Variants in KIAA1217 observed in about 807,000 individuals in gnomAD.
KIAA1217 encodes the protein sickle tail protein homolog.
Under a neutral mutation model 163.9 loss-of-function variants are expected in KIAA1217, and 88 were observed. The ratio of observed to expected loss-of-function variants is 0.54; its 90% CI spans 0.45 to 0.64. The LOEUF is 0.64. KIAA1217 is among the 30% of genes least tolerant of loss of function. KIAA1217 has a pLI of 0.00. For synonymous variants in KIAA1217, 903 were observed against 923.1 expected (o/e 0.98, Z 0.39); for missense variants, 2,372 against 2,475.0 (o/e 0.96, Z 0.88).
At chr10:24,318,204 TGATAGATAGATGGATA>T (rs895914321) in intron 2 of KIAA1217, among the ~76,000 whole-genome samples, 27 of 152,164 alleles carry the variant, frequency 1.8e-4, no homozygotes, top group African/African-American at 4.1e-4. Flanking sequence ...GGTAGGTAGA[TGATAGATAGATGGATA>T]GATAGATAGA....
chr10:24,350,599 A>G (rs552042712), intron 2 of KIAA1217, among the ~76,000 whole-genome samples: 13 of 152,340 alleles, frequency 8.5e-5, no homozygotes, highest in Non-Finnish European at 1.9e-4. Flanking sequence ...GTGGAGAAGA[A>G]TCAAGAAGAT....
chr10:23,997,824 C>T (rs1846557237), intron 1 of KIAA1217, among the ~76,000 whole-genome samples: 1 of 152,046 alleles, frequency 6.6e-6, no homozygotes, highest in Admixed American at 6.5e-5. Context: ...ACTTGTGTCT[C>T]CCTCTCAGTG....
At chr10:24,447,119 C>T (rs2132185185) in intron 5 of KIAA1217, among the ~76,000 whole-genome samples, 1 of 152,298 alleles carries the variant, frequency 6.6e-6, no homozygotes, top group East Asian at 1.9e-4. Context: ...CTTCACCTCC[C>T]TGCCCCGCTC....
intron 3 of KIAA1217, among the ~76,000 whole-genome samples, chr10:24,420,184 A>G (rs1034994515): frequency 1.3e-5 from 2 of 152,120 alleles, no homozygotes; most frequent in African/African-American, 4.8e-5. Context: ...AACAGGCTGT[A>G]TTTTCCCACA....
intron 2 of KIAA1217, among the ~76,000 whole-genome samples, chr10:24,226,276 A>G (rs556380160): frequency 2.0e-5 from 3 of 152,118 alleles, no homozygotes; most frequent in Non-Finnish European, 4.4e-5. Flanking sequence ...CATCATGTAC[A>G]TCACATTGGG....
At chr10:23,943,844 A>G (rs149861392) in intron 1 of KIAA1217, among the ~76,000 whole-genome samples, 148 of 152,342 alleles carry the variant, frequency 9.7e-4, no homozygotes, top group African/African-American at 3.4e-3. Flanking sequence ...ATGGAAAGAA[A>G]GTCCTACCTA....
At chr10:24,190,231 T>G (rs1241364792) in intron 2 of KIAA1217, among the ~76,000 whole-genome samples, 1 of 152,090 alleles carries the variant, frequency 6.6e-6, no homozygotes, top group Non-Finnish European at 1.5e-5. Context: ...AGAGAATTCC[T>G]TTATGGCTGG....
At chr10:23,970,901 G>T (rs1033414949) in intron 1 of KIAA1217, among the ~76,000 whole-genome samples, 3 of 152,184 alleles carry the variant, frequency 2.0e-5, no homozygotes, top group Non-Finnish European at 4.4e-5. Flanking sequence ...ATTCAACTGA[G>T]GGGGGGATAA....
intron 2 of KIAA1217, among the ~76,000 whole-genome samples, chr10:24,194,878 G>C (rs2066911842): frequency 1.3e-5 from 2 of 151,386 alleles, no homozygotes; most frequent in South Asian, 4.2e-4. Context: ...AAAATACTGG[G>C]ATTAGAGGCA....
chr10:24,016,918 G>A (rs1847502885), intron 2 of KIAA1217, among the ~76,000 whole-genome samples: 1 of 151,744 alleles, frequency 6.6e-6, no homozygotes, highest in South Asian at 2.1e-4. Context: ...ATAGAACTAT[G>A]ATTTTATTTG....
At chr10:23,861,346 G>A (rs1839941277) in intron 1 of KIAA1217, among the ~76,000 whole-genome samples, 1 of 152,176 alleles carries the variant, frequency 6.6e-6, no homozygotes, top group African/African-American at 2.4e-5. Flanking sequence ...CACAGACACA[G>A]TGACTTTATA....
chr10:24,518,704 A>G (rs2070607006), intron 10 of KIAA1217, among the ~76,000 whole-genome samples: 1 of 152,230 alleles, frequency 6.6e-6, no homozygotes, highest in Non-Finnish European at 1.5e-5. Flanking sequence ...ATATTTATTT[A>G]GAGCCCTTCA....
At chr10:24,365,533 G>A (rs1327185867) in intron 2 of KIAA1217, among the ~76,000 whole-genome samples, 1 of 152,012 alleles carries the variant, frequency 6.6e-6, no homozygotes, top group East Asian at 1.9e-4. Context: ...CACAGTTGAT[G>A]AAGCCTGTAA....
At chr10:24,055,038 A>C (rs1033482271) in intron 2 of KIAA1217, among the ~76,000 whole-genome samples, 4 of 152,116 alleles carry the variant, frequency 2.6e-5, no homozygotes, top group African/African-American at 4.8e-5. Flanking sequence ...AAGCCGAGGC[A>C]AGCAGATTGC....
chr10:24,039,990 A>AT (rs1848564350), intron 2 of KIAA1217, among the ~76,000 whole-genome samples: 1 of 152,126 alleles, frequency 6.6e-6, no homozygotes, highest in South Asian at 2.1e-4. Flanking sequence ...CCAGAGAAGG[A>AT]AAGTGTGCTA....
intron 1 of KIAA1217, among the ~76,000 whole-genome samples, chr10:23,727,737 G>C (rs1289639306): frequency 6.6e-6 from 1 of 152,084 alleles, no homozygotes; most frequent in African/African-American, 2.4e-5. Context: ...ATGGTGGTTT[G>C]CTGCACTCAT....
At chr10:23,739,038 T>C (rs1335822) in intron 1 of KIAA1217, among the ~76,000 whole-genome samples, 34,863 of 152,116 alleles carry the variant, frequency 0.23, 4,331 homozygotes, top group African/African-American at 0.32. Context: ...GAAAATATGA[T>C]ATATATGCAC....
intron 2 of KIAA1217, among the ~76,000 whole-genome samples, chr10:24,319,990 G>A (rs1322476037): frequency 1.3e-5 from 2 of 152,152 alleles, no homozygotes; most frequent in African/African-American, 4.8e-5. Context: ...CCCAAAGGTG[G>A]CATAATTAGC....
intron 1 of KIAA1217, among the ~76,000 whole-genome samples, chr10:23,862,760 G>A (rs1840014448): frequency 6.6e-6 from 1 of 151,932 alleles, no homozygotes; most frequent in African/African-American, 2.4e-5. Context: ...GCCAAGGTAA[G>A]GATTTTATTT....
Sources: gnomAD v4.1 joint callset for allele counts (sites outside exome capture counted in the v4.1 genomes callset) on GRCh38, gnomAD v4.1.1 for gene constraint, MANE v1.5 for transcripts, NCBI Gene and HGNC (gene_info 2026-07-23, HGNC 2026-07-21) for gene names.